The following C16orf87 variants were observed in gnomAD, a reference collection of about 807,000 sequenced individuals.
C16orf87 encodes the protein HDAC and MIER1 interacting protein 1, also known as UPF0547 protein C16orf87.
In C16orf87, 13 loss-of-function variants were observed where a neutral mutation model predicts 21.0. That is an observed-to-expected ratio of 0.62 (90% CI 0.40 to 0.98). The LOEUF (loss-of-function observed/expected upper bound fraction) is 0.98. Ranked by LOEUF, C16orf87 falls within the 50% of genes least tolerant of loss-of-function variation. C16orf87 has a pLI of 0.00. For synonymous variants in C16orf87, 49 were observed against 60.2 expected (o/e 0.81, Z 0.86); for missense variants, 113 against 180.4 (o/e 0.63, Z 2.14).
intron 2 of C16orf87, among the ~76,000 whole-genome samples, chr16:46,813,089 C>T (rs1044119605): frequency 1.3e-5 from 2 of 152,118 alleles, no homozygotes; most frequent in East Asian, 1.9e-4. Context: ...TAGATCATCT[C>T]GTAAACCCAC....
chr16:46,831,112 G>T lies in C16orf87; in HGVS notation c.38C>A (p.Thr13Asn). 1.3e-6 allele frequency: 2 copies of T among 1,583,062 alleles called. No individual in the cohort carries two copies. The highest frequency in any genetic ancestry group is 1.7e-5 in the Admixed American group (1 of 57,198). The change falls in exon 1 of 4, where the codon ACC (threonine) becomes AAC (asparagine). Residue 13 changes from threonine to asparagine, a missense_variant. Thr to Asn is a moderately conservative substitution (Grantham distance 65, BLOSUM62 0). Transcript: ENST00000285697. The stretch of plus-strand genomic sequence containing the variant: ...TTGGTCGCACTCGGGGCATGATTTG[G>T]TGGCCATCTTCACTTTCTTGGCTCG... ...ATRAKKVKMA[T>N]KSCPECDQQV... is the part of the protein sequence containing the mutation.
At chr16:46,810,887 G>A (rs1968060730) in intron 2 of C16orf87, among the ~76,000 whole-genome samples, 1 of 152,088 alleles carries the variant, frequency 6.6e-6, no homozygotes, top group South Asian at 2.1e-4. Flanking sequence ...AATAAAAATA[G>A]TAACTGTAAC....
At chr16:46,823,026 C>CAAAATAAAAAAAA (rs1959480520) in intron 2 of C16orf87, among the ~76,000 whole-genome samples, 1 of 152,130 alleles carries the variant, frequency 6.6e-6, no homozygotes, top group Admixed American at 6.6e-5. Context: ...AAATGTTTTC[C>CAAAATAAAAAAAA]AACCTTAGAA....
At chr16:46,820,738 G>A (rs1959384377) in intron 2 of C16orf87, among the ~76,000 whole-genome samples, 1 of 152,122 alleles carries the variant, frequency 6.6e-6, no homozygotes, top group Non-Finnish European at 1.5e-5. Flanking sequence ...CTGCATTCTA[G>A]GTTATGTGTA....
At chr16:46,824,736 G>A (rs1959551697) in intron 1 of C16orf87, among the ~76,000 whole-genome samples, 1 of 151,044 alleles carries the variant, frequency 6.6e-6, no homozygotes, top group African/African-American at 2.4e-5. Flanking sequence ...CATGATCTAG[G>A]CTCACTGCAA....
In C16orf87 at chr16:46,798,868, G is replaced by A. The variant is rs36480; in HGVS notation, c.*4084C>T. ...CAAAATTCAACATCTGTTCCTGACA[G>A]AAAACTTCCAACAAGCAGAAATAAA... On this transcript the variant is annotated 3_prime_UTR_variant, in exon 4 of 4. Coordinates refer to ENST00000285697, the MANE Select transcript of C16orf87 (RefSeq NM_001001436.4). 150,007 of 152,264 alleles carry A rather than the reference G, an allele frequency of 0.99. 73,923 individuals carry two copies. The highest frequency in any genetic ancestry group is 1 in the East Asian group (5,172 of 5,172). 9.4% of individuals were successfully genotyped at this position (152,264 alleles called of 1,614,324 possible).
At position 46,803,002 on chromosome 16, in the gene C16orf87, C is replaced by T. The variant is rs1012743684; in HGVS notation, c.415G>A (p.Ala139Thr). Residue 139 changes from alanine to threonine, a missense_variant, in exon 4 of 4, where the codon GCC becomes ACC. By Grantham distance (58) the Ala-to-Thr change is moderately conservative (BLOSUM62 0). Coordinates refer to ENST00000285697, the MANE Select transcript of C16orf87 (RefSeq NM_001001436.4). ...ATTTTTCTATTTATTTCTGCCAAGGCGACTGAAAACACGAAAGCCTTTTCA... is the reference window on the plus strand; with the variant it reads ...ATTTTTCTATTTATTTCTGCCAAGGTGACTGAAAACACGAAAGCCTTTTCA... ...SDEKAFVFSV[A>T]LAEINRKIIN... 8.1e-6 allele frequency: 13 copies of T among 1,604,700 alleles called. No homozygotes were observed. Among genetic ancestry groups the T allele is most frequent in the African/African-American group, 1.3e-5 (1 of 74,600 alleles).
chr16:46,828,601 G>C (rs1448852048), intron 1 of C16orf87, among the ~76,000 whole-genome samples: 1 of 152,168 alleles, frequency 6.6e-6, no homozygotes, highest in Admixed American at 6.5e-5. Flanking sequence ...TGAAAATCTA[G>C]CTTTTTCTTC....
chr16:46,826,476 C>G (rs932948677), intron 1 of C16orf87, among the ~76,000 whole-genome samples: 1 of 152,136 alleles, frequency 6.6e-6, no homozygotes, highest in African/African-American at 2.4e-5. Context: ...GTTATAGAAT[C>G]TAAACACTTG....
chr16:46,814,818 G>A (rs1479979973), intron 2 of C16orf87, among the ~76,000 whole-genome samples: 1 of 152,114 alleles, frequency 6.6e-6, no homozygotes, highest in Admixed American at 6.6e-5. Context: ...TACCTTGAGA[G>A]ATCTGAAAGG....
rs1369113773 is a variant in C16orf87, at chr16:46,800,325, AT to A, written c.*2626del. On this transcript the variant is annotated 3_prime_UTR_variant, in exon 4 of 4. Transcript: ENST00000285697. ...TCCACTGATTACTACACAAGAAATAATTTGCACAATTTCCCTTACTTTTATA... is the reference window on the plus strand; with the variant it reads ...TCCACTGATTACTACACAAGAAATAATTGCACAATTTCCCTTACTTTTATA... 14 of 152,182 alleles carry A rather than the reference AT, an allele frequency of 9.2e-5. No individual in the cohort carries two copies. The highest frequency in any genetic ancestry group is 1.6e-4 in the Non-Finnish European group (11 of 68,026). 9.4% of individuals were successfully genotyped at this position (152,182 alleles called of 1,614,324 possible).
intron 2 of C16orf87, among the ~76,000 whole-genome samples, chr16:46,817,706 A>G (rs999331265): frequency 3.3e-5 from 5 of 152,144 alleles, no homozygotes; most frequent in Admixed American, 1.3e-4. Context: ...AAAGAAAGAA[A>G]GAAAGAGTGG....
At chr16:46,818,425 G>GT (rs781551020) in intron 2 of C16orf87, among the ~76,000 whole-genome samples, 159 of 152,068 alleles carry the variant, frequency 1.0e-3, no homozygotes, top group Non-Finnish European at 1.5e-3. Context: ...TAAGTTGAGG[G>GT]TTTTTTTCCC....
intron 3 of C16orf87, 93 bp downstream of exon 3, chr16:46,809,510 G>T: frequency 1.4e-6 from 1 of 736,554 alleles, no homozygotes; most frequent in Non-Finnish European, 2.2e-6. Flanking sequence ...TTTAAGTCCA[G>T]GAGCTCAATG....
chr16:46,805,584 TCTC>T (rs1225781549), intron 3 of C16orf87, among the ~76,000 whole-genome samples: 1 of 152,228 alleles, frequency 6.6e-6, no homozygotes, highest in Middle Eastern at 3.2e-3. Context: ...TTATTTTTTC[TCTC>T]CTGTTGATTT....
At position 46,802,959 on chromosome 16, in the gene C16orf87, A is replaced by G. The variant is rs747451014; in HGVS notation, c.458T>C (p.Ile153Thr). The change falls in exon 4 of 4, where the codon ATT (isoleucine) becomes ACT (threonine). Residue 153 changes from isoleucine (I) to threonine (T), a missense_variant. Ile to Thr is a moderately conservative substitution (Grantham distance 89). Transcript: ENST00000285697. Reference sequence around the variant, plus strand: ...AGATTTTGCAAACAAGTATCAGAGAATAAGTCTTTGATTGATAATTTTTCT... The same window carrying G: ...AGATTTTGCAAACAAGTATCAGAGAGTAAGTCTTTGATTGATAATTTTTCT... ...INRKIINQRL[I>T]L 1 of 1,509,602 alleles carries G rather than the reference A, an allele frequency of 6.6e-7. No homozygotes were observed. Among genetic ancestry groups the G allele is most frequent in the South Asian group, 1.2e-5 (1 of 86,830 alleles). The allele number at this position is 1,509,602 out of a possible 1,614,324, so 93.5% of individuals were successfully genotyped here. A position where few individuals can be genotyped will look rare whatever the true frequency, so the allele number is the denominator to read the frequency against.
At chr16:46,824,505 T>C (rs1959541749) in intron 1 of C16orf87, 23 bp from the exon 2 acceptor site, 4 of 1,027,866 alleles carry the variant, frequency 3.9e-6, no homozygotes, top group Middle Eastern at 5.5e-4. Context: ...AAGAAAAATA[T>C]ATATTATTAC....
chr16:46,814,621 T>A (rs936530378), intron 2 of C16orf87, among the ~76,000 whole-genome samples: 2 of 152,182 alleles, frequency 1.3e-5, no homozygotes, highest in African/African-American at 4.8e-5. Flanking sequence ...TTTAAAACAG[T>A]GTAGGGTATT....
At chr16:46,829,273 G>C (rs1408405671) in intron 1 of C16orf87, among the ~76,000 whole-genome samples, 1 of 152,154 alleles carries the variant, frequency 6.6e-6, no homozygotes, top group African/African-American at 2.4e-5. Flanking sequence ...GGCAGCCAAA[G>C]CTGGGTAAGC....
Sources: allele counts gnomAD v4.1 joint callset (sites outside exome capture counted in the v4.1 genomes callset), GRCh38; gene constraint gnomAD v4.1.1; transcripts MANE v1.5; gene names NCBI Gene and HGNC (gene_info 2026-07-23, HGNC 2026-07-21).